The following CYP11A1 variants were observed in gnomAD, a reference collection of about 807,000 sequenced individuals.
CYP11A1 encodes the protein cytochrome P450 family 11 subfamily A member 1.
CYP11A1 carries 25 observed loss-of-function variants against 51.9 expected under a neutral mutation model. The ratio of observed to expected loss-of-function variants is 0.48; its 90% confidence interval spans 0.35 to 0.67. The LOEUF is 0.67. CYP11A1 is among the 30% of genes least tolerant of loss of function. The pLI is 0.00. For missense variants in CYP11A1, 578 were observed against 680.9 expected (o/e 0.85, Z 1.68); for synonymous variants, 245 against 262.1 (o/e 0.93, Z 0.63).
At chr15:74,351,852 G>A (rs1448907890) in intron 1 of CYP11A1, among the ~76,000 whole-genome samples, 3 of 152,218 alleles carry the variant, frequency 2.0e-5, no homozygotes, top group East Asian at 3.8e-4. Context: ...CTTTGAAGTC[G>A]TGGGAGGTTT....
intron 5 of CYP11A1, among the ~76,000 whole-genome samples, chr15:74,341,832 A>G (rs1361025273): frequency 1.3e-5 from 2 of 152,180 alleles, no homozygotes; most frequent in Non-Finnish European, 2.9e-5. Context: ...TCATGAGGAG[A>G]GACAATTCTG....
Position 74,340,021 on chromosome 15 carries a change from C to T in CYP11A1, c.991-268G>A, listed in dbSNP as rs7173655. On this transcript the variant is annotated intron_variant, in intron 5 of 8. Coordinates refer to ENST00000268053, the MANE Select transcript of CYP11A1 (RefSeq NM_000781.3). ...GTCCCTCATGTCACCAAAAACCCAC[C>T]CATGTCCACAGTGAGTAGAGTGTCA... Among the ~76,000 whole-genome samples the T allele has an allele frequency of 0.52, 78,782 of 152,050 alleles. 22,693 individuals are homozygous for T. Among genetic ancestry groups the T allele is most frequent in the Non-Finnish European group, 0.67 (45,759 of 67,966 alleles).
At chr15:74,360,030 G>A (rs2060700094) in intron 1 of CYP11A1, among the ~76,000 whole-genome samples, 1 of 152,196 alleles carries the variant, frequency 6.6e-6, no homozygotes. Context: ...GGGAAATAAA[G>A]ACAGTTTTCA....
chr15:74,367,507 G>A lies in CYP11A1; in HGVS notation c.79C>T (p.Leu27=). The A allele has an allele frequency of 6.2e-7, 1 of 1,614,152 alleles. No individual in the cohort carries two copies. The highest frequency in any genetic ancestry group is 8.5e-7 in the Non-Finnish European group (1 of 1,179,988). ...QTFLSAPREG[L]GRLRVPTGEG... ...CCAGTGGGCACCCTGAGACGCCCCA[G>A]CCCCTCCCTGGGGGCACTCAGAAAG... is the stretch of plus-strand genomic sequence containing the variant. Residue 27 remains leucine, a synonymous_variant, in exon 1 of 9, where the codon CTG becomes TTG. Coordinates refer to ENST00000268053, the MANE Select transcript of CYP11A1 (RefSeq NM_000781.3).
At chr15:74,365,167 C>T (rs563528681) in intron 1 of CYP11A1, among the ~76,000 whole-genome samples, 5 of 152,216 alleles carry the variant, frequency 3.3e-5, no homozygotes, top group African/African-American at 9.6e-5. Flanking sequence ...AGCCCCCAAC[C>T]ACCCCTGCGC....
At chr15:74,339,426 C>T (rs940539396) in intron 6 of CYP11A1, 111 bp from the exon 7 acceptor site, 5 of 1,414,926 alleles carry the variant, frequency 3.5e-6, no homozygotes, top group Non-Finnish European at 5.0e-6. Flanking sequence ...CTGGGGGGAC[C>T]TGGGGGTAGG....
intron 3 of CYP11A1, chr15:74,344,830 T>C (rs1316486813): frequency 4.8e-6 from 3 of 618,706 alleles, no homozygotes; most frequent in Non-Finnish European, 8.8e-6. Context: ...GAATGCCAGA[T>C]GAGAGAACCC....
In CYP11A1 at chr15:74,339,625, C is replaced by A. The variant is rs776126810; in HGVS notation, c.1119G>T (p.Leu373=). 49 of 1,614,064 alleles carry A rather than the reference C, an allele frequency of 3.0e-5. No homozygotes were observed. The South Asian group carries it at 4.8e-4, about 16-fold the overall frequency. Residue 373 remains leucine, a synonymous_variant, in exon 6 of 9, where the codon CTG becomes CTT. Transcript: ENST00000268053. ...TGATGCTGGCTTTGAGGAGGGGGAC[C>A]AGCTGTAGCATCGTGGCCATGTCTC... The part of the protein sequence containing the change: ...AQGDMATMLQ[L]VPLLKASIKE...
intron 1 of CYP11A1, among the ~76,000 whole-genome samples, chr15:74,358,520 C>T (rs2060692267): frequency 6.6e-6 from 1 of 152,180 alleles, no homozygotes; most frequent in African/African-American, 2.4e-5. Context: ...CTCAGGGTTC[C>T]ATCTGCTAGT....
intron 1 of CYP11A1, among the ~76,000 whole-genome samples, chr15:74,357,574 C>T (rs191503828): frequency 1.0e-3 from 153 of 152,308 alleles, no homozygotes; most frequent in African/African-American, 3.2e-3. Flanking sequence ...TAAATTCTTT[C>T]GCCACTCCTC....
intron 1 of CYP11A1, among the ~76,000 whole-genome samples, chr15:74,351,275 C>T (rs538456772): frequency 7.2e-5 from 11 of 152,196 alleles, no homozygotes; most frequent in Admixed American, 3.3e-4. Flanking sequence ...TGAAGGTCTA[C>T]GAATGAAAGG....
rs1936935111 is a variant in CYP11A1 at position 74,343,113 on chromosome 15, TAGA to T, written c.851_853del (p.Phe284del). The T allele has an allele frequency of 6.2e-7, 1 of 1,613,708 alleles. No homozygotes were observed. Among genetic ancestry groups the T allele is most frequent in the Non-Finnish European group, 8.5e-7 (1 of 1,179,992 alleles). ...ACTTCCTTTCTGTCTCAATTCCCAGTAGAAGTTCTGGGTGTATATGTCAGCTGT... is the reference window on the plus strand; with the variant it reads ...ACTTCCTTTCTGTCTCAATTCCCAGTAGTTCTGGGTGTATATGTCAGCTGT... On this transcript the variant is annotated inframe_deletion, in exon 5 of 9. Transcript: ENST00000268053.
chr15:74,349,654 T>A (rs1016918767), intron 1 of CYP11A1, among the ~76,000 whole-genome samples: 3 of 152,328 alleles, frequency 2.0e-5, no homozygotes, highest in Admixed American at 2.0e-4. Flanking sequence ...TCAGCAACAA[T>A]GCTTGATGGA....
rs2060639787 is a variant in CYP11A1 at position 74,347,978 on chromosome 15, G to A, written c.347C>T (p.Pro116Leu). The stretch of plus-strand genomic sequence containing the variant: ...CGGGATGAGGAATCGTTCTGGGTTG[G>A]GGCCCTCGGACTTAAAGAGAAGGGC... Reference protein sequence around the residue: ...DVALLFKSEGPNPERFLIPPW... With the variant: ...DVALLFKSEGLNPERFLIPPW... The change falls in exon 2 of 9, where the codon CCC becomes CTC. Residue 116 changes from proline to leucine, a missense_variant. Transcript: ENST00000268053. The A allele has an allele frequency of 6.8e-6, 11 of 1,614,186 alleles. No homozygotes were observed. Among genetic ancestry groups the A allele is most frequent in the Non-Finnish European group, 9.3e-6 (11 of 1,180,026 alleles).
intron 1 of CYP11A1, chr15:74,362,136 G>A: frequency 1.3e-6 from 1 of 757,186 alleles, no homozygotes; most frequent in Non-Finnish European, 2.2e-6. Flanking sequence ...CAGTATCCTA[G>A]AATCTTTGTG....
chr15:74,357,786 G>T (rs115445590), intron 1 of CYP11A1, among the ~76,000 whole-genome samples: 1 of 152,136 alleles, frequency 6.6e-6, no homozygotes. Context: ...GTCTGTGTAC[G>T]GCAGCTGTCG....
rs772561154 is a variant in CYP11A1, at chr15:74,343,935, G to C, written c.683C>G (p.Pro228Arg). 4 of 1,613,994 alleles carry C rather than the reference G, an allele frequency of 2.5e-6. No individual in the cohort carries two copies. The Admixed American group carries it at 5.0e-5, about 20-fold the overall frequency. ...GGCATCAATGAATCGCTGGGCCTCG[G>C]GGTTCACTACTTCCTCCAGCATCCC... is the stretch of plus-strand genomic sequence containing the variant. ...RQGMLEEVVN[P>R]EAQRFIDAIY... Residue 228 changes from proline to arginine, a missense_variant, in exon 4 of 9, where the codon CCC becomes CGC. By Grantham distance (103) the Pro-to-Arg change is moderately radical. Transcript: ENST00000268053.
intron 1 of CYP11A1, among the ~76,000 whole-genome samples, chr15:74,351,593 T>C (rs1293625421): frequency 6.6e-6 from 1 of 152,206 alleles, no homozygotes; most frequent in African/African-American, 2.4e-5. Context: ...ACCCTAAGAT[T>C]GGACCCCACA....
At chr15:74,362,112 AC>A (rs2060711331) in intron 1 of CYP11A1, 2 of 961,692 alleles carry the variant, frequency 2.1e-6, no homozygotes, top group Non-Finnish European at 3.2e-6. Context: ...AGCACCCTCC[AC>A]CCCATTTGCT....
Sources: gnomAD v4.1 joint callset for allele counts (sites outside exome capture counted in the v4.1 genomes callset) on GRCh38, gnomAD v4.1.1 for gene constraint, MANE v1.5 for transcripts, NCBI Gene and HGNC (gene_info 2026-07-23, HGNC 2026-07-21) for gene names.